TULP4: variants seen among roughly 807,000 people sequenced by gnomAD.
The protein encoded by TULP4 is tubby-related protein 4.
A neutral mutation model predicts 129.0 loss-of-function variants in TULP4; 16 were observed. The ratio of observed to expected loss-of-function variants is 0.12; its 90% CI spans 0.08 to 0.19. The LOEUF (loss-of-function observed/expected upper bound fraction) is 0.19. Among genes scored for constraint, TULP4 ranks in the 10% least tolerant of loss-of-function variants. The pLI, the probability that TULP4 is intolerant of heterozygous loss-of-function variation, is 1.00. For synonymous variants in TULP4, 998 were observed against 854.0 expected (o/e 1.17, Z -2.94); for missense variants, 1,842 against 2,059.1 (o/e 0.89, Z 2.04).
intron 2 of TULP4, among the ~76,000 whole-genome samples, chr6:158,429,227 T>C (rs190685076): frequency 6.6e-6 from 1 of 152,282 alleles, no homozygotes; most frequent in East Asian, 1.9e-4. Flanking sequence ...CAACCTCTTC[T>C]TCCCAGGTTC....
At chr6:158,243,644 C>T (rs1777968642) in intron 1 of TULP4, among the ~76,000 whole-genome samples, 1 of 151,480 alleles carries the variant, frequency 6.6e-6, no homozygotes, top group African/African-American at 2.4e-5. Context: ...CTTGTGTTTC[C>T]TGTACATTGG....
intron 5 of TULP4, among the ~76,000 whole-genome samples, chr6:158,460,776 A>G (rs886613429): frequency 7.2e-5 from 11 of 152,214 alleles, no homozygotes; most frequent in African/African-American, 2.7e-4. Context: ...ATATAAACTA[A>G]GACTTTGTTT....
intron 1 of TULP4, among the ~76,000 whole-genome samples, chr6:158,334,505 GC>G (rs1352896736): frequency 2.0e-5 from 3 of 152,108 alleles, no homozygotes; most frequent in East Asian, 1.9e-4. Flanking sequence ...TATTGGTAAG[GC>G]TACTGATCAG....
intron 1 of TULP4, among the ~76,000 whole-genome samples, chr6:158,322,727 G>T (rs1472293798): frequency 1.3e-5 from 2 of 152,154 alleles, no homozygotes; most frequent in African/African-American, 4.8e-5. Context: ...TCTCTGTTGT[G>T]TGCCAGGTGC....
At chr6:158,391,168 T>A (rs1049651193) in intron 1 of TULP4, among the ~76,000 whole-genome samples, 7 of 152,226 alleles carry the variant, frequency 4.6e-5, no homozygotes, top group South Asian at 2.1e-4. Context: ...CATAAGGATT[T>A]CTTTCTTATA....
chr6:158,443,941 C>A (rs139614991), intron 3 of TULP4, among the ~76,000 whole-genome samples: 1 of 151,944 alleles, frequency 6.6e-6, no homozygotes, highest in Non-Finnish European at 1.5e-5. Context: ...ATTTTTTGGC[C>A]GGGTGCGGTG....
chr6:158,287,977 G>A (rs1353635044), intron 1 of TULP4, among the ~76,000 whole-genome samples: 1 of 152,116 alleles, frequency 6.6e-6, no homozygotes, highest in Non-Finnish European at 1.5e-5. Flanking sequence ...CTGGCAAAAC[G>A]GGTGAATATT....
chr6:158,493,374 C>T lies in TULP4; in HGVS notation c.1632-199C>T, dbSNP rs1419838111. ...AATATATTTTAAAATGTATATTATT[C>T]AATGTAAAGTTGTCATTCTTTCCTC... On this transcript the variant is annotated intron_variant, in intron 9 of 13. Coordinates refer to ENST00000367097, the MANE Select transcript of TULP4 (RefSeq NM_020245.5). This position sits in a 1 kb window ranked among gnomAD's most constrained non-coding sequence, Gnocchi z 4.4. Among the ~76,000 whole-genome samples the T allele has an allele frequency of 2.0e-5, 3 of 152,130 alleles. No individual in the cohort carries two copies. Among genetic ancestry groups the T allele is most frequent in the Non-Finnish European group, 4.4e-5 (3 of 68,028 alleles).
chr6:158,381,373 A>G lies in TULP4; in HGVS notation c.253-31692A>G, dbSNP rs575701361. 7.2e-5 allele frequency among the ~76,000 whole-genome samples: 11 copies of G among 152,340 alleles called. No homozygotes were observed. In the East Asian group the frequency reaches 1.9e-3, roughly 27 times the overall value. On this transcript the variant is annotated intron_variant, in intron 1 of 13. Transcript: ENST00000367097. ...AACAGGGCTGGGGCATCACCCTGTAATCAAACGTAATATTTCAGCAAAGCT... is the reference window on the plus strand; with the variant it reads ...AACAGGGCTGGGGCATCACCCTGTAGTCAAACGTAATATTTCAGCAAAGCT...
intron 2 of TULP4, among the ~76,000 whole-genome samples, chr6:158,423,083 C>T (rs1778387978): frequency 6.9e-6 from 1 of 145,692 alleles, no homozygotes; most frequent in Non-Finnish European, 1.5e-5. Flanking sequence ...TGGAGACCTG[C>T]CTGGGCAATA....
intron 6 of TULP4, among the ~76,000 whole-genome samples, chr6:158,469,757 G>A (rs1259971009): frequency 2.0e-5 from 3 of 151,830 alleles, no homozygotes; most frequent in African/African-American, 4.8e-5. Context: ...TAGAACGAGG[G>A]GAAATGAGGA....
chr6:158,504,241 TCAA>T, intron 13 of TULP4, 63 bp downstream of exon 13: 1 of 1,336,730 alleles, frequency 7.5e-7, no homozygotes, highest in Non-Finnish European at 1.0e-6. Context: ...GCTTCGGCCT[TCAA>T]GGAGCATTTT....
At chr6:158,254,363 A>C (rs57880644) in intron 1 of TULP4, among the ~76,000 whole-genome samples, 1 of 152,088 alleles carries the variant, frequency 6.6e-6, no homozygotes, top group South Asian at 2.1e-4. Flanking sequence ...GGCTGGTCTC[A>C]AACTCCTGAC....
At chr6:158,330,568 C>G (rs1350459969) in intron 1 of TULP4, among the ~76,000 whole-genome samples, 2 of 152,182 alleles carry the variant, frequency 1.3e-5, no homozygotes, top group Admixed American at 6.6e-5. Context: ...GTCCTTTACT[C>G]TAAAATACTT....
At position 158,365,589 on chromosome 6, in the gene TULP4, G is replaced by T. The variant is rs182996531; in HGVS notation, c.253-47476G>T. ...CCTCGCAGGTTCACGCCATTCTCCT[G>T]CCTCAGCCTCCTGAGTAGCTGGGAC... On this transcript the variant is annotated intron_variant, in intron 1 of 13. Transcript: ENST00000367097. Among the ~76,000 whole-genome samples the T allele has an allele frequency of 9.6e-3, 1,451 of 151,136 alleles. 22 individuals are homozygous for T. Among genetic ancestry groups the T allele is most frequent in the African/African-American group, 0.034 (1,387 of 41,142 alleles).
intron 1 of TULP4, among the ~76,000 whole-genome samples, chr6:158,344,495 G>A (rs1173388249): frequency 1.3e-5 from 2 of 152,012 alleles, no homozygotes. Context: ...GGTACATTTT[G>A]GTAATTGTCA....
intron 1 of TULP4, among the ~76,000 whole-genome samples, chr6:158,260,618 A>C (rs1236690220): frequency 6.6e-6 from 1 of 151,458 alleles, no homozygotes; most frequent in Admixed American, 6.6e-5. Context: ...AGCCTTCTGC[A>C]TAAGGATGAC....
At chr6:158,289,452 G>A (rs991916671) in intron 1 of TULP4, among the ~76,000 whole-genome samples, 5 of 151,796 alleles carry the variant, frequency 3.3e-5, no homozygotes, top group African/African-American at 9.7e-5. Context: ...GGTTTATGCT[G>A]TACTTTTCTA....
In TULP4 at chr6:158,493,737, C is replaced by T. The variant is rs774734578; in HGVS notation, c.1776+20C>T. 6.6e-7 allele frequency: 1 copy of T among 1,523,302 alleles called. No individual in the cohort carries two copies. Among genetic ancestry groups the T allele is most frequent in the Non-Finnish European group, 8.8e-7 (1 of 1,134,278 alleles). 94.4% of individuals were successfully genotyped at this position (1,523,302 alleles called of 1,614,324 possible). On this transcript the variant is annotated intron_variant, in intron 10 of 13. Coordinates refer to ENST00000367097, the MANE Select transcript of TULP4 (RefSeq NM_020245.5). This position sits in a 1 kb window ranked among gnomAD's most constrained non-coding sequence, Gnocchi z 4.4. ...ACTCAGGTAGGAGCCCCCAGTTACC[C>T]TGCCTTGCTCCCCTCCTCCTGGGGG...
Sources: gnomAD v4.1 joint callset for allele counts (sites outside exome capture counted in the v4.1 genomes callset) on GRCh38, gnomAD v4.1.1 for gene constraint, Gnocchi (gnomAD v3.1) non-coding constraint, MANE v1.5 for transcripts, NCBI Gene and HGNC (gene_info 2026-07-23, HGNC 2026-07-21) for gene names.